The following STOX2 variants were observed in gnomAD, a reference collection of about 807,000 sequenced individuals.
STOX2 encodes the protein storkhead-box protein 2.
STOX2 carries 28 observed loss-of-function variants against 60.9 expected under a neutral mutation model. That is an observed-to-expected ratio of 0.46 (90% CI 0.34 to 0.63). The LOEUF (loss-of-function observed/expected upper bound fraction) is 0.63, where lower values mean the gene tolerates loss of function less well. Ranked by LOEUF, STOX2 falls within the 30% of genes least tolerant of loss-of-function variation. STOX2 has a pLI of 0.01. For missense variants in STOX2, 1,024 were observed against 1,187.7 expected (o/e 0.86, Z 2.03); for synonymous variants, 472 against 463.9 (o/e 1.02, Z -0.22).
chr4:184,021,491 C>A lies in STOX2; in HGVS notation c.*4207C>A, dbSNP rs1186580872. 1 of 151,352 alleles carries A rather than the reference C, an allele frequency of 6.6e-6. No individual in the cohort carries two copies. The highest frequency in any genetic ancestry group is 1.5e-5 in the Non-Finnish European group (1 of 67,948). The allele number at this position is 151,352 out of a possible 1,614,324, so 9.4% of individuals were successfully genotyped here. A position where few individuals can be genotyped will look rare whatever the true frequency, so the allele number is the denominator to read the frequency against. ...GTTTGGAATTTTACATCTCAGCACA[C>A]CTTACTGGTATCAATGGATAAAGCG... On this transcript the variant is annotated 3_prime_UTR_variant, in exon 4 of 4. Coordinates refer to ENST00000308497, the MANE Select transcript of STOX2 (RefSeq NM_020225.3).
chr4:183,972,082 C>T (rs1369721130), intron 1 of STOX2, among the ~76,000 whole-genome samples: 4 of 152,152 alleles, frequency 2.6e-5, no homozygotes, highest in East Asian at 1.9e-4. Context: ...AAGAAGCCAC[C>T]GTCCTCATTC....
At chr4:183,968,627 T>C (rs1310352959) in intron 1 of STOX2, among the ~76,000 whole-genome samples, 1 of 152,216 alleles carries the variant, frequency 6.6e-6, no homozygotes, top group Non-Finnish European at 1.5e-5. Context: ...CCTTCGCTGC[T>C]ACAAACGCAG....
At chr4:183,883,940 C>T (rs1052351999) in intron 1 of STOX2, among the ~76,000 whole-genome samples, 1 of 151,910 alleles carries the variant, frequency 6.6e-6, no homozygotes, top group South Asian at 2.1e-4. Context: ...CAACCTCCGC[C>T]TCCTGGGTTC....
chr4:184,005,855 G>A (rs1344707800), intron 2 of STOX2, among the ~76,000 whole-genome samples: 1 of 152,190 alleles, frequency 6.6e-6, no homozygotes, highest in African/African-American at 2.4e-5. Context: ...GGCTTGGACA[G>A]GGGGCAAAGA....
intron 1 of STOX2, among the ~76,000 whole-genome samples, chr4:183,999,921 G>A (rs1221140873): frequency 6.6e-6 from 1 of 152,158 alleles, no homozygotes; most frequent in African/African-American, 2.4e-5. Context: ...CCTGAGTCTC[G>A]GTTTTGGTCA....
intron 1 of STOX2, among the ~76,000 whole-genome samples, chr4:183,874,653 G>A (rs1270694777): frequency 6.6e-6 from 1 of 151,776 alleles, no homozygotes; most frequent in South Asian, 2.1e-4. Context: ...TTGGCCGGGC[G>A]CGGTGGCTCA....
intron 1 of STOX2, among the ~76,000 whole-genome samples, chr4:183,816,944 A>C (rs1417466766): frequency 6.6e-6 from 1 of 152,216 alleles, no homozygotes; most frequent in Non-Finnish European, 1.5e-5. Context: ...CAAGGGCTGC[A>C]TTGGCTGAAT....
chr4:183,833,981 CAAA>C (rs70959149), intron 1 of STOX2, among the ~76,000 whole-genome samples: 11 of 79,832 alleles, frequency 1.4e-4, no homozygotes, highest in African/African-American at 4.4e-4. Context: ...GACTCCGTCT[CAAA>C]AAAAAAAAAA....
chr4:183,815,814 A>G (rs1739141549), intron 1 of STOX2, among the ~76,000 whole-genome samples: 1 of 152,276 alleles, frequency 6.6e-6, no homozygotes, highest in Non-Finnish European at 1.5e-5. Context: ...TAAATAAGGT[A>G]TAAATGATGT....
At chr4:183,948,241 A>AAC (rs1742958861) in intron 1 of STOX2, among the ~76,000 whole-genome samples, 1 of 150,322 alleles carries the variant, frequency 6.7e-6, no homozygotes. Flanking sequence ...AAAAAAAAAA[A>AAC]AAACACGAAA....
Position 184,022,229 on chromosome 4 carries a change from G to C in STOX2, c.*4945G>C, listed in dbSNP as rs1161672075. 5 of 152,084 alleles carry C rather than the reference G, an allele frequency of 3.3e-5. No homozygotes were observed. Among genetic ancestry groups the C allele is most frequent in the Admixed American group, 6.5e-5 (1 of 15,272 alleles). The allele number at this position is 152,084 out of a possible 1,614,324, so 9.4% of individuals were successfully genotyped here. ...TTTTCCCACAGATTTTTATTCAGGC[G>C]ATGTTTCATAAATTACATATATGAA... On this transcript the variant is annotated 3_prime_UTR_variant, in exon 4 of 4. Coordinates refer to ENST00000308497, the MANE Select transcript of STOX2 (RefSeq NM_020225.3).
At position 183,821,809 on chromosome 4, in the gene STOX2, G is replaced by A. The variant is rs1016566454; in HGVS notation, c.364+23754G>A. On this transcript the variant is annotated intron_variant, in intron 1 of 2. Coordinates refer to the STOX2 transcript ENST00000513034. This position sits in a 1 kb window ranked among gnomAD's most constrained non-coding sequence, Gnocchi z 4.2. ...ACCCATCCCTGTCCCTGTTCCTGCC[G>A]GGCTGCATTCTGACCCCTGCCCCAG... Among the ~76,000 whole-genome samples, 5 of 152,340 alleles carry A rather than the reference G, an allele frequency of 3.3e-5. No homozygotes were observed. The highest frequency in any genetic ancestry group is 3.9e-4 in the East Asian group (2 of 5,166).
At chr4:183,883,165 CA>C (rs1740994652) in intron 1 of STOX2, among the ~76,000 whole-genome samples, 1 of 152,064 alleles carries the variant, frequency 6.6e-6, no homozygotes, top group African/African-American at 2.4e-5. Flanking sequence ...CAAATCTAGA[CA>C]TCATATTAAT....
chr4:183,874,994 A>T (rs1186226016), intron 1 of STOX2, among the ~76,000 whole-genome samples: 47 of 99,666 alleles, frequency 4.7e-4, no homozygotes, highest in African/African-American at 1.5e-3. Context: ...TATATATATA[A>T]AACTTAGAAT....
At chr4:183,994,233 C>T (rs1289732781) in intron 1 of STOX2, among the ~76,000 whole-genome samples, 2 of 152,092 alleles carry the variant, frequency 1.3e-5, no homozygotes, top group African/African-American at 4.8e-5. Flanking sequence ...ATTTTATAGA[C>T]ATGTTTGACT....
chr4:183,924,555 C>T (rs1015681860), intron 1 of STOX2, among the ~76,000 whole-genome samples: 4 of 152,046 alleles, frequency 2.6e-5, no homozygotes, highest in Non-Finnish European at 5.9e-5. Context: ...CCCAGGAGGA[C>T]CTTATGTTTC....
At chr4:183,889,108 G>A (rs532909021) in intron 1 of STOX2, among the ~76,000 whole-genome samples, 1 of 151,926 alleles carries the variant, frequency 6.6e-6, no homozygotes, top group East Asian at 2.0e-4. Flanking sequence ...CGTCCTCAAC[G>A]ACACTGATCG....
At chr4:183,990,252 C>G (rs1317082991) in intron 1 of STOX2, among the ~76,000 whole-genome samples, 1 of 152,160 alleles carries the variant, frequency 6.6e-6, no homozygotes, top group Non-Finnish European at 1.5e-5. Context: ...AAATCTCTGT[C>G]CCCTGGAAAG....
intron 1 of STOX2, among the ~76,000 whole-genome samples, chr4:183,874,631 T>C (rs1365876328): frequency 7.9e-5 from 3 of 38,030 alleles, no homozygotes; most frequent in Admixed American, 3.4e-4. Context: ...ATGCAGAGAC[T>C]ATATATATAT....
Sources: allele counts gnomAD v4.1 joint callset (sites outside exome capture counted in the v4.1 genomes callset), GRCh38; gene constraint gnomAD v4.1.1; non-coding constraint Gnocchi (gnomAD v3.1); transcripts MANE v1.5; gene names NCBI Gene and HGNC (gene_info 2026-07-23, HGNC 2026-07-21).